PHACTR1: variants seen among roughly 807,000 people sequenced by gnomAD.
The protein encoded by PHACTR1 is phosphatase and actin regulator 1.
Under a neutral mutation model 69.2 loss-of-function variants are expected in PHACTR1, and 16 were observed. That is an observed-to-expected ratio of 0.23 (90% CI 0.16 to 0.35). PHACTR1 has a LOEUF of 0.35. Among genes scored for constraint, PHACTR1 ranks in the 10% least tolerant of loss-of-function variants. The probability of loss-of-function intolerance (pLI) is 1.00; values close to 1 mark genes in which losing one functional copy is unlikely to be tolerated. For synonymous variants in PHACTR1, 312 were observed against 284.5 expected (o/e 1.10, Z -0.97); for missense variants, 510 against 734.7 (o/e 0.69, Z 3.54).
chr6:12,802,766 G>T (rs1358468121), intron 4 of PHACTR1, among the ~76,000 whole-genome samples: 1 of 152,156 alleles, frequency 6.6e-6, no homozygotes, highest in Admixed American at 6.5e-5. Flanking sequence ...CATAGGAATG[G>T]ATTACCTCTC....
intron 4 of PHACTR1, among the ~76,000 whole-genome samples, chr6:12,874,164 T>A (rs552743289): frequency 1.3e-5 from 2 of 152,338 alleles, no homozygotes; most frequent in East Asian, 1.9e-4. Context: ...TTCTAAGAGT[T>A]CTGAAGTTCT....
intron 7 of PHACTR1, among the ~76,000 whole-genome samples, chr6:13,185,304 G>A (rs923627399): frequency 1.3e-5 from 2 of 152,134 alleles, no homozygotes; most frequent in Non-Finnish European, 2.9e-5. Flanking sequence ...GCTCATCTAG[G>A]TGAAATCGAT....
rs535091109 is a variant in PHACTR1, at chr6:13,207,581, C to T, written c.986+1445C>T. On this transcript the variant is annotated intron_variant, in intron 8 of 14. Coordinates refer to ENST00000332995, the MANE Select transcript of PHACTR1 (RefSeq NM_030948.6). Reference sequence around the variant, plus strand: ...AATTACTCTTGATTGTGTATACACACATGAGTGTATGTGTGTGTGTGTGTG... The same window carrying T: ...AATTACTCTTGATTGTGTATACACATATGAGTGTATGTGTGTGTGTGTGTG... 1.1e-3 allele frequency among the ~76,000 whole-genome samples: 161 copies of T among 151,532 alleles called. 1 individual carries two copies. Among genetic ancestry groups the T allele is most frequent in the Admixed American group, 1.8e-3 (28 of 15,292 alleles).
chr6:13,119,005 T>G (rs550165353), intron 5 of PHACTR1, among the ~76,000 whole-genome samples: 1 of 152,166 alleles, frequency 6.6e-6, no homozygotes, highest in Non-Finnish European at 1.5e-5. Context: ...TAGCACATAA[T>G]AGACCCTGAA....
intron 4 of PHACTR1, among the ~76,000 whole-genome samples, chr6:12,950,506 A>G (rs1791159420): frequency 6.6e-6 from 1 of 152,226 alleles, no homozygotes; most frequent in Non-Finnish European, 1.5e-5. Flanking sequence ...GATTGTGTTC[A>G]TCTTTGGAAA....
rs549248439 is a variant in PHACTR1, at chr6:13,001,992, G to A, written c.251-51373G>A. Among the ~76,000 whole-genome samples the A allele has an allele frequency of 1.4e-4, 21 of 152,210 alleles. 1 individual carries two copies. In the South Asian group the frequency reaches 3.5e-3, roughly 26 times the overall value. Reference sequence around the variant, plus strand: ...TTTGTTGACTCGTTCATTCCTCCCCGCAATACTTGGTGCTCTAAACAGTTC... The same window carrying A: ...TTTGTTGACTCGTTCATTCCTCCCCACAATACTTGGTGCTCTAAACAGTTC... On this transcript the variant is annotated intron_variant, in intron 4 of 14. Coordinates refer to ENST00000332995, the MANE Select transcript of PHACTR1 (RefSeq NM_030948.6).
At chr6:13,056,487 T>G (rs1322324871) in intron 5 of PHACTR1, among the ~76,000 whole-genome samples, 1 of 152,232 alleles carries the variant, frequency 6.6e-6, no homozygotes, top group Non-Finnish European at 1.5e-5. Flanking sequence ...GAGGGAATGT[T>G]CATTGGTTAG....
intron 4 of PHACTR1, among the ~76,000 whole-genome samples, chr6:12,779,395 A>G (rs1411145431): frequency 1.3e-5 from 2 of 152,212 alleles, no homozygotes; most frequent in Non-Finnish European, 1.5e-5. Context: ...TTCAAAAAAA[A>G]AGAAATCCAG....
chr6:13,259,705 C>A (rs1481637508), intron 10 of PHACTR1, among the ~76,000 whole-genome samples: 1 of 152,168 alleles, frequency 6.6e-6, no homozygotes, highest in Non-Finnish European at 1.5e-5. Context: ...AAGGAGATGT[C>A]ATGTGCTCAA....
At chr6:13,233,451 A>G (rs1433855731) in intron 10 of PHACTR1, among the ~76,000 whole-genome samples, 1 of 152,058 alleles carries the variant, frequency 6.6e-6, no homozygotes, top group Non-Finnish European at 1.5e-5. Context: ...GAGACTGGGT[A>G]ATTTATAAAG....
chr6:13,097,253 T>C (rs572410339), intron 5 of PHACTR1, among the ~76,000 whole-genome samples: 43 of 152,328 alleles, frequency 2.8e-4, no homozygotes, highest in African/African-American at 9.4e-4. Context: ...CTATGGAAAA[T>C]GGAAAGCATT....
intron 4 of PHACTR1, among the ~76,000 whole-genome samples, chr6:12,849,734 A>G (rs1279383262): frequency 6.6e-6 from 1 of 152,194 alleles, no homozygotes; most frequent in Non-Finnish European, 1.5e-5. Flanking sequence ...CGTCCCCCAG[A>G]TAATGAAATA....
At chr6:12,947,612 A>C (rs774203111) in intron 4 of PHACTR1, among the ~76,000 whole-genome samples, 5 of 152,238 alleles carry the variant, frequency 3.3e-5, no homozygotes, top group Non-Finnish European at 7.3e-5. Flanking sequence ...CTGGGTTTGC[A>C]TCCTGACTCT....
intron 4 of PHACTR1, among the ~76,000 whole-genome samples, chr6:13,035,625 T>C (rs966556561): frequency 6.6e-6 from 1 of 152,214 alleles, no homozygotes; most frequent in Non-Finnish European, 1.5e-5. Context: ...CACTTAACCA[T>C]GTCCACGAAC....
chr6:12,830,099 AAGAAAGAAAGAAAGAAAGAAAG>A (rs1777312727), intron 4 of PHACTR1, among the ~76,000 whole-genome samples: 1 of 19,170 alleles, frequency 5.2e-5, no homozygotes, highest in Admixed American at 7.4e-4. Flanking sequence ...GAGGGAAAGA[AAGAAAGAAAGAAAGAAAGAAAG>A]AAAGAAAGAA....
At chr6:13,187,210 A>T (rs1009075784) in intron 7 of PHACTR1, among the ~76,000 whole-genome samples, 5 of 152,198 alleles carry the variant, frequency 3.3e-5, no homozygotes, top group African/African-American at 1.2e-4. Context: ...GTACAGGTTC[A>T]TGGCCCTGGT....
At chr6:12,982,181 C>T (rs1337817079) in intron 4 of PHACTR1, among the ~76,000 whole-genome samples, 1 of 152,190 alleles carries the variant, frequency 6.6e-6, no homozygotes. Flanking sequence ...TTAGGCTTTC[C>T]TCATGTGACT....
At chr6:12,848,207 A>C (rs568190605) in intron 4 of PHACTR1, among the ~76,000 whole-genome samples, 2 of 152,206 alleles carry the variant, frequency 1.3e-5, no homozygotes, top group Non-Finnish European at 2.9e-5. Context: ...CCCACACAAG[A>C]AATCAAACCT....
chr6:12,897,337 G>A (rs1005214985), intron 4 of PHACTR1, among the ~76,000 whole-genome samples: 2 of 152,080 alleles, frequency 1.3e-5, no homozygotes, highest in Non-Finnish European at 2.9e-5. Context: ...TCATCCTCCC[G>A]CTTTAAGCCA....
Sources: allele counts gnomAD v4.1 joint callset (sites outside exome capture counted in the v4.1 genomes callset), GRCh38; gene constraint gnomAD v4.1.1; transcripts MANE v1.5; gene names NCBI Gene and HGNC (gene_info 2026-07-23, HGNC 2026-07-21).